Variants in CAMTA1 observed in about 807,000 individuals in gnomAD.
CAMTA1 encodes the protein calmodulin-binding transcription activator 1.
A neutral mutation model predicts 170.9 loss-of-function variants in CAMTA1; 27 were observed. The observed-to-expected ratio is 0.16, with a 90% CI of 0.12 to 0.22. The LOEUF (loss-of-function observed/expected upper bound fraction) is 0.22, where lower values mean the gene tolerates loss of function less well. Among genes scored for constraint, CAMTA1 ranks in the 10% least tolerant of loss-of-function variants. The pLI, the probability that CAMTA1 is intolerant of heterozygous loss-of-function variation, is 1.00. For synonymous variants in CAMTA1, 833 were observed against 891.5 expected, an observed-to-expected ratio of 0.93 and a Z score of 1.17; for missense variants, 1,619 against 2,217.2, an observed-to-expected ratio of 0.73 and a Z score of 5.42.
At chr1:6,875,203 C>G (rs897618770) in intron 3 of CAMTA1, among the ~76,000 whole-genome samples, 4 of 152,200 alleles carry the variant, frequency 2.6e-5, no homozygotes, top group Non-Finnish European at 4.4e-5. Flanking sequence ...AGCTGCAAAC[C>G]TGGCTGAGCC....
At chr1:7,032,759 A>C (rs1451629575) in intron 3 of CAMTA1, among the ~76,000 whole-genome samples, 1 of 151,910 alleles carries the variant, frequency 6.6e-6, no homozygotes, top group Non-Finnish European at 1.5e-5. Context: ...GAATTCTTTC[A>C]GTTTTTGTAT....
At chr1:7,307,331 GA>G (rs1675746611) in intron 5 of CAMTA1, among the ~76,000 whole-genome samples, 1 of 21,812 alleles carries the variant, frequency 4.6e-5, no homozygotes, top group Non-Finnish European at 7.5e-5. Context: ...TGAGTTCTAG[GA>G]TTTTTTTTTT....
In CAMTA1 at chr1:6,881,075, A is replaced by G. The variant is rs2149067598; in HGVS notation, c.234+55865A>G. ...AGACAAGGAAACCGAGATACAGAGA[A>G]GTTGAATTAACTTGCTCAGTGTCAC... On this transcript the variant is annotated intron_variant, in intron 3 of 22. Transcript: ENST00000303635. Among the ~76,000 whole-genome samples the G allele has an allele frequency of 1.3e-5, 2 of 152,304 alleles. 1 individual carries two copies. Among genetic ancestry groups the G allele is most frequent in the South Asian group, 4.1e-4 (2 of 4,820 alleles).
chr1:6,917,404 G>A (rs1184864779), intron 3 of CAMTA1, among the ~76,000 whole-genome samples: 1 of 152,150 alleles, frequency 6.6e-6, no homozygotes, highest in East Asian at 1.9e-4. Flanking sequence ...GGCAAGATTG[G>A]ATGCGAGGAA....
intron 3 of CAMTA1, among the ~76,000 whole-genome samples, chr1:6,937,828 C>A (rs969741419): frequency 6.6e-6 from 1 of 151,424 alleles, no homozygotes; most frequent in Non-Finnish European, 1.5e-5. Context: ...ACTACCATAA[C>A]CATCACTGTC....
At chr1:7,647,407 AG>A (rs1326996467) in intron 7 of CAMTA1, among the ~76,000 whole-genome samples, 9 of 152,182 alleles carry the variant, frequency 5.9e-5, no homozygotes, top group Non-Finnish European at 1.3e-4. Context: ...CTGGTCGACC[AG>A]CGCCACCTGG....
chr1:7,255,151 A>G (rs978277066), intron 5 of CAMTA1, among the ~76,000 whole-genome samples: 4 of 152,166 alleles, frequency 2.6e-5, no homozygotes, highest in African/African-American at 9.7e-5. Flanking sequence ...GTCGGGGGCT[A>G]GGAGAGGGAG....
In CAMTA1 at chr1:7,426,423, G is replaced by C. The variant is rs563632684; in HGVS notation, c.439-41407G>C. On this transcript the variant is annotated intron_variant, in intron 5 of 22. Transcript: ENST00000303635. The surrounding 1 kb of genome is among the most constrained non-coding windows in gnomAD (Gnocchi z 4.8). ...ATCTCCCCCAAAAAACTGCCTACCT[G>C]GGTTTCCAACTTGCAGCCCATTATC... Among the ~76,000 whole-genome samples the C allele has an allele frequency of 3.9e-5, 6 of 152,286 alleles. No individual in the cohort carries two copies. The East Asian group carries it at 9.6e-4, about 24-fold the overall frequency.
At chr1:7,536,618 G>A (rs2094552037) in intron 6 of CAMTA1, among the ~76,000 whole-genome samples, 1 of 152,162 alleles carries the variant, frequency 6.6e-6, no homozygotes. Flanking sequence ...GCTGCTGGGG[G>A]CAGGGACGGG....
chr1:7,057,558 G>A (rs1198600436), intron 3 of CAMTA1, among the ~76,000 whole-genome samples: 1 of 152,166 alleles, frequency 6.6e-6, no homozygotes, highest in Non-Finnish European at 1.5e-5. Context: ...AGGTGCCTGG[G>A]AAGATGTCCA....
intron 3 of CAMTA1, among the ~76,000 whole-genome samples, chr1:6,927,400 T>C (rs1402699492): frequency 6.6e-6 from 1 of 152,198 alleles, no homozygotes; most frequent in Non-Finnish European, 1.5e-5. Flanking sequence ...GTTTATTAAG[T>C]AGTTAGATAT....
At chr1:7,120,214 G>A (rs1644562968) in intron 4 of CAMTA1, among the ~76,000 whole-genome samples, 2 of 152,320 alleles carry the variant, frequency 1.3e-5, no homozygotes, top group East Asian at 3.9e-4. Context: ...CACAGTTTCT[G>A]AGGGTCAGGA....
chr1:6,790,131 C>T (rs1405472002), intron 1 of CAMTA1, among the ~76,000 whole-genome samples: 6 of 152,066 alleles, frequency 3.9e-5, no homozygotes, highest in East Asian at 1.9e-4. Flanking sequence ...GCCTGGCCTT[C>T]GGTGTGGTGC....
intron 5 of CAMTA1, among the ~76,000 whole-genome samples, chr1:7,402,181 T>A (rs1341984272): frequency 6.6e-6 from 1 of 152,208 alleles, no homozygotes; most frequent in Non-Finnish European, 1.5e-5. Context: ...AATTACATGT[T>A]GGGAAAAAGA....
intron 5 of CAMTA1, among the ~76,000 whole-genome samples, chr1:7,335,629 G>C (rs542709872): frequency 3.3e-4 from 50 of 152,316 alleles, no homozygotes; most frequent in African/African-American, 1.2e-3. Flanking sequence ...TCACACAGAG[G>C]AAGAGTGAGG....
intron 9 of CAMTA1, among the ~76,000 whole-genome samples, chr1:7,666,062 G>A (rs2095998476): frequency 1.3e-5 from 2 of 151,734 alleles, no homozygotes; most frequent in Non-Finnish European, 2.9e-5. Flanking sequence ...CCAGCTACTC[G>A]GGAGGCTGAG....
At chr1:7,487,960 C>T (rs1385650954) in intron 6 of CAMTA1, among the ~76,000 whole-genome samples, 6 of 152,154 alleles carry the variant, frequency 3.9e-5, no homozygotes, top group South Asian at 2.1e-4. Flanking sequence ...TGTCGTTTGC[C>T]GCCACCTCCC....
At chr1:7,105,509 C>T (rs1487921305) in intron 4 of CAMTA1, among the ~76,000 whole-genome samples, 1 of 152,228 alleles carries the variant, frequency 6.6e-6, no homozygotes, top group Non-Finnish European at 1.5e-5. Context: ...CGGCCTTTTC[C>T]TCCGTTCCAC....
chr1:7,601,228 G>A lies in CAMTA1; in HGVS notation c.511-39172G>A, dbSNP rs867599184. Among the ~76,000 whole-genome samples the A allele has an allele frequency of 5.0e-3, 765 of 151,912 alleles. 7 individuals carry two copies. The highest frequency in any genetic ancestry group is 0.018 in the African/African-American group (734 of 41,410). On this transcript the variant is annotated intron_variant, in intron 6 of 22. Coordinates refer to ENST00000303635, the MANE Select transcript of CAMTA1 (RefSeq NM_015215.4). Reference sequence around the variant, plus strand: ...AGACGCTCCTCACTTCCCAGACGGGGTGGCTGCCGGGCGGAGGGGCTCCTC... The same window carrying A: ...AGACGCTCCTCACTTCCCAGACGGGATGGCTGCCGGGCGGAGGGGCTCCTC...
Sources: allele counts gnomAD v4.1 joint callset (sites outside exome capture counted in the v4.1 genomes callset), GRCh38; gene constraint gnomAD v4.1.1; non-coding constraint Gnocchi (gnomAD v3.1); transcripts MANE v1.5; gene names NCBI Gene and HGNC (gene_info 2026-07-23, HGNC 2026-07-21).